Variants in ZNF837 observed in about 807,000 individuals in gnomAD.
ZNF837 encodes the protein zinc finger protein 837.
For missense variants in ZNF837, 955 were observed against 801.7 expected, an observed-to-expected ratio of 1.19 and a Z score of -2.31; for synonymous variants, 475 against 365.2, an observed-to-expected ratio of 1.30 and a Z score of -3.43.
rs1473894560 is a variant in ZNF837 at position 58,368,144 on chromosome 19, C to T, written c.1189G>A (p.Gly397Ser). The T allele has an allele frequency of 1.2e-5, 19 of 1,588,338 alleles. No individual in the cohort carries two copies. The highest frequency in any genetic ancestry group is 4.6e-5 in the East Asian group (2 of 43,700). ...GEKPYACPEC[G>S]KAFNQRSNLS... is the part of the protein sequence containing the mutation. ...TTCGAGCGCTGGTTGAAGGCCTTGC[C>T]GCACTCGGGGCACGCGTAGGGCTTC... Residue 397 changes from glycine (G) to serine (S), a missense_variant, in exon 3 of 3, where the codon GGC (glycine) becomes AGC (serine). Physicochemically the swap from Gly to Ser is moderately conservative, Grantham distance 56. Transcript: ENST00000597582.
chr19:58,378,046 C>T (rs533563533), intron 1 of ZNF837, among the ~76,000 whole-genome samples: 1 of 152,230 alleles, frequency 6.6e-6, no homozygotes. Flanking sequence ...CCCTCGTCTA[C>T]CTCTGAGAGG....
In ZNF837 at chr19:58,368,721, C is replaced by T; in HGVS notation, c.612G>A (p.Glu204=). 6.5e-7 allele frequency: 1 copy of T among 1,536,158 alleles called. No homozygotes were observed. Among genetic ancestry groups the T allele is most frequent in the Non-Finnish European group, 8.7e-7 (1 of 1,146,108 alleles). The change falls in exon 3 of 3, where the codon GAG becomes GAA. Residue 204 remains glutamate, a synonymous_variant. Coordinates refer to ENST00000597582, the MANE Select transcript of ZNF837 (RefSeq NM_138466.2). ...TCCGCAGGGCCCTCCACGCAAAGGC[C>T]TCGCCGCACGCGCAAGCCCGGGGCT... The part of the protein sequence containing the change: ...VEQPRACACG[E]AFAWRALRIP...
Position 58,367,756 on chromosome 19 carries a change from C to T in ZNF837, c.1577G>A (p.Gly526Glu), listed in dbSNP as rs1168871504. The change falls in exon 3 of 3, where the codon GGG becomes GAG. Residue 526 changes from glycine (G) to glutamate (E), a missense_variant. Physicochemically the swap from Gly to Glu is moderately conservative, Grantham distance 98. Transcript: ENST00000597582. ...CTGCAGTCAAGGCGCGGCGCGGCCCCCGTGCCGCTTCCGGTGCTCGTTGAG... is the reference window on the plus strand; with the variant it reads ...CTGCAGTCAAGGCGCGGCGCGGCCCTCGTGCCGCTTCCGGTGCTCGTTGAG... ...SNLNEHRKRHGGRAAP is the reference protein window; with the variant it reads ...SNLNEHRKRHEGRAAP 20 of 1,532,544 alleles carry T rather than the reference C, an allele frequency of 1.3e-5. No individual in the cohort carries two copies. The highest frequency in any genetic ancestry group is 1.7e-5 in the Non-Finnish European group (19 of 1,144,728). The allele number at this position is 1,532,544 out of a possible 1,614,324, so 94.9% of individuals were successfully genotyped here.
intron 1 of ZNF837, among the ~76,000 whole-genome samples, chr19:58,372,686 T>C (rs1266574169): frequency 1.3e-5 from 2 of 152,230 alleles, no homozygotes; most frequent in African/African-American, 4.8e-5. Context: ...CAAAGGAAGC[T>C]GCTGCCAGTT....
At chr19:58,379,503 A>G (rs554953357) in intron 1 of ZNF837, among the ~76,000 whole-genome samples, 1 of 152,284 alleles carries the variant, frequency 6.6e-6, no homozygotes, top group East Asian at 1.9e-4. Context: ...AGCACAGCAA[A>G]CACAATCGAG....
At chr19:58,375,505 T>C (rs570250734) in intron 1 of ZNF837, among the ~76,000 whole-genome samples, 2 of 151,808 alleles carry the variant, frequency 1.3e-5, no homozygotes, top group South Asian at 4.2e-4. Context: ...TGGAGTGCAG[T>C]GGTGTGATCT....
chr19:58,380,603 G>C (rs1170898455), intron 1 of ZNF837, among the ~76,000 whole-genome samples: 1 of 152,232 alleles, frequency 6.6e-6, no homozygotes, highest in Non-Finnish European at 1.5e-5. Flanking sequence ...GGAGGCCGGC[G>C]TCGGCCTCGG....
In ZNF837 at chr19:58,369,014, C is replaced by T; in HGVS notation, c.319G>A (p.Gly107Arg). 1 of 1,514,530 alleles carries T rather than the reference C, an allele frequency of 6.6e-7. No individual in the cohort carries two copies. The highest frequency in any genetic ancestry group is 1.3e-5 in the South Asian group (1 of 79,066). The allele number at this position is 1,514,530 out of a possible 1,614,324, so 93.8% of individuals were successfully genotyped here. Residue 107 changes from glycine (G) to arginine (R), a missense_variant, in exon 3 of 3, where the codon GGG becomes AGG. By Grantham distance (125) the Gly-to-Arg change is moderately radical (BLOSUM62 -2). Transcript: ENST00000597582. ...SQNPELVIPEGLQAREGPCRS... is the reference protein window; with the variant it reads ...SQNPELVIPERLQAREGPCRS... ...CAGGGGCCCTCCCGGGCTTGCAGCC[C>T]CTCGGGGATAACCAGCTCAGGGTTC...
intron 1 of ZNF837, among the ~76,000 whole-genome samples, chr19:58,373,008 A>G (rs2052214667): frequency 6.6e-6 from 1 of 152,182 alleles, no homozygotes; most frequent in Non-Finnish European, 1.5e-5. Flanking sequence ...CAGTAAGGAC[A>G]AGGGGACTCT....
intron 1 of ZNF837, among the ~76,000 whole-genome samples, chr19:58,380,284 G>A (rs546076899): frequency 3.3e-5 from 5 of 152,328 alleles, no homozygotes; most frequent in East Asian, 3.9e-4. Context: ...CTGTCCTCCC[G>A]ACAGTGCCTC....
chr19:58,367,694 C>T lies in ZNF837; in HGVS notation c.*43G>A, dbSNP rs1442758194. The T allele has an allele frequency of 6.9e-7, 1 of 1,456,318 alleles. No homozygotes were observed. Among genetic ancestry groups the T allele is most frequent in the Non-Finnish European group, 9.0e-7 (1 of 1,110,644 alleles). 90.2% of individuals were successfully genotyped at this position (1,456,318 alleles called of 1,614,324 possible). A position where few individuals can be genotyped will look rare whatever the true frequency, so the allele number is the denominator to read the frequency against. ...CCGGGACAAAGGCCCCTCCTCGACG[C>T]AGGGTTCGCTTGGGCGACGCGTCGA... is the stretch of plus-strand genomic sequence containing the variant. On this transcript the variant is annotated 3_prime_UTR_variant, in exon 3 of 3. Transcript: ENST00000597582.
rs2052187245 is a variant in ZNF837, at chr19:58,370,207, TG to T, written c.-139-280del. Among the ~76,000 whole-genome samples the T allele has an allele frequency of 2.0e-5, 3 of 152,208 alleles. No individual in the cohort carries two copies. The South Asian group carries it at 6.2e-4, about 32-fold the overall frequency. On this transcript the variant is annotated intron_variant, in intron 1 of 2. Transcript: ENST00000597582. ...AGTGTGGGTTCCTTCCAGAAGCTCT[TG>T]GGGAGGACGTTTGCTGACCATTTCC...
chr19:58,373,185 A>C (rs1201872858), intron 1 of ZNF837, among the ~76,000 whole-genome samples: 2 of 152,212 alleles, frequency 1.3e-5, no homozygotes, highest in Non-Finnish European at 2.9e-5. Flanking sequence ...AGCCAGATGC[A>C]GACTCCCAAA....
chr19:58,367,931 G>A lies in ZNF837; in HGVS notation c.1402C>T (p.Leu468=), dbSNP rs961466371. The change falls in exon 3 of 3, where the codon CTG becomes TTG. Residue 468 remains leucine (L), a synonymous_variant. Transcript: ENST00000597582. ...GCSELRQHER[L]HSGEKPYICR... ...ATGTAGGGCTTCTCGCCCGAGTGCA[G>A]GCGCTCGTGCTGGCGCAGCTCGGAG... 1 of 1,533,228 alleles carries A rather than the reference G, an allele frequency of 6.5e-7. No homozygotes were observed. Among genetic ancestry groups the A allele is most frequent in the African/African-American group, 1.4e-5 (1 of 72,604 alleles). 95.0% of individuals were successfully genotyped at this position (1,533,228 alleles called of 1,614,324 possible). A position where few individuals can be genotyped will look rare whatever the true frequency, so the allele number is the denominator to read the frequency against.
intron 1 of ZNF837, among the ~76,000 whole-genome samples, chr19:58,373,518 T>C (rs975562706): frequency 6.6e-6 from 1 of 152,170 alleles, no homozygotes; most frequent in Non-Finnish European, 1.5e-5. Context: ...GTTACAAACA[T>C]CCCCTTCCCA....
chr19:58,373,396 G>A (rs2052217444), intron 1 of ZNF837, among the ~76,000 whole-genome samples: 1 of 152,232 alleles, frequency 6.6e-6, no homozygotes, highest in Non-Finnish European at 1.5e-5. Flanking sequence ...ACATCTGGGT[G>A]GTGCTGAACA....
intron 1 of ZNF837, among the ~76,000 whole-genome samples, chr19:58,375,315 A>T (rs1252067192): frequency 2.5e-4 from 19 of 76,994 alleles, no homozygotes; most frequent in Non-Finnish European, 4.0e-4. Context: ...TATATATAAA[A>T]TTACATATAT....
In ZNF837 at chr19:58,372,736, C is replaced by T. The variant is rs545020962; in HGVS notation, c.-139-2808G>A. Among the ~76,000 whole-genome samples, 5 of 152,316 alleles carry T rather than the reference C, an allele frequency of 3.3e-5. No individual in the cohort carries two copies. The South Asian group carries it at 8.3e-4, about 25-fold the overall frequency. Reference sequence around the variant, plus strand: ...ATTTCCTTCTTGGACATCATGACCACAATGGCAGAAATGCATTGATGGCCA... The same window carrying T: ...ATTTCCTTCTTGGACATCATGACCATAATGGCAGAAATGCATTGATGGCCA... On this transcript the variant is annotated intron_variant, in intron 1 of 2. Transcript: ENST00000597582.
intron 1 of ZNF837, among the ~76,000 whole-genome samples, chr19:58,378,897 G>A (rs1232575674): frequency 3.3e-5 from 5 of 152,094 alleles, no homozygotes; most frequent in South Asian, 4.1e-4. Context: ...ACCCGGAGCC[G>A]CCAGAAGCCG....
Sources: allele counts gnomAD v4.1 joint callset (sites outside exome capture counted in the v4.1 genomes callset), GRCh38; gene constraint gnomAD v4.1.1; transcripts MANE v1.5; gene names NCBI Gene and HGNC (gene_info 2026-07-23, HGNC 2026-07-21).